AAGAB: variants seen among roughly 807,000 people sequenced by gnomAD.
AAGAB encodes alpha and gamma adaptin binding protein.
A neutral mutation model predicts 44.1 loss-of-function variants in AAGAB; 38 were observed. The observed-to-expected ratio is 0.86, with a 90% confidence interval of 0.67 to 1.13. AAGAB has a LOEUF of 1.13. Ranked by LOEUF, AAGAB falls within the 50% of genes most tolerant of loss-of-function variation. The pLI, the probability that AAGAB is intolerant of heterozygous loss-of-function variation, is 0.00. For synonymous variants in AAGAB, 131 were observed against 131.8 expected (o/e 0.99, Z 0.04); for missense variants, 450 against 373.8 (o/e 1.20, Z -1.68).
rs892183327 is a variant in AAGAB at position 67,231,047 on chromosome 15, CT to C, written c.535+766del. Among the ~76,000 whole-genome samples the C allele has an allele frequency of 9.1e-4, 136 of 149,794 alleles. 1 individual carries two copies. The highest frequency in any genetic ancestry group is 3.6e-4 in the Non-Finnish European group (24 of 67,160). On this transcript the variant is annotated intron_variant, in intron 5 of 9. Coordinates refer to ENST00000261880, the MANE Select transcript of AAGAB (RefSeq NM_024666.5). Reference sequence around the variant, plus strand: ...CTCTTAGTGACCCTAGAATACACAACTTTTTTTTTTGAGACAGGGTCTTTCT... The same window carrying C: ...CTCTTAGTGACCCTAGAATACACAACTTTTTTTTTGAGACAGGGTCTTTCT...
At chr15:67,212,446 C>A (rs1297086780) in intron 5 of AAGAB, among the ~76,000 whole-genome samples, 2 of 152,094 alleles carry the variant, frequency 1.3e-5, no homozygotes, top group Non-Finnish European at 2.9e-5. Context: ...GAAAACTGAA[C>A]TAGTGGTCAG....
intron 9 of AAGAB, among the ~76,000 whole-genome samples, 176 bp from the exon 10 acceptor site, chr15:67,203,074 T>G (rs1437373576): frequency 6.6e-6 from 1 of 152,212 alleles, no homozygotes; most frequent in Non-Finnish European, 1.5e-5. Flanking sequence ...ATCTAGAAAT[T>G]TATACCAAGG....
intron 1 of AAGAB, among the ~76,000 whole-genome samples, chr15:67,238,980 C>A (rs1964533675): frequency 6.6e-6 from 1 of 152,202 alleles, no homozygotes; most frequent in Admixed American, 6.5e-5. Context: ...CAGGCATGAG[C>A]CACCATGCCC....
intron 4 of AAGAB, 50 bp from the exon 5 acceptor site, chr15:67,231,947 T>C (rs750140875): frequency 6.8e-7 from 1 of 1,464,812 alleles, no homozygotes; most frequent in Admixed American, 1.7e-5. Context: ...CTCACACAGA[T>C]ATACATATAC....
intron 1 of AAGAB, among the ~76,000 whole-genome samples, chr15:67,246,284 C>G (rs554139622): frequency 6.7e-6 from 1 of 149,434 alleles, no homozygotes; most frequent in Non-Finnish European, 1.5e-5. Context: ...GCGGTGGGGT[C>G]GGGGGGCTGA....
Position 67,236,046 on chromosome 15 carries a change from T to C in AAGAB, c.384A>G (p.Gln128=), listed in dbSNP as rs749508818. The change falls in exon 4 of 10, where the codon CAA becomes CAG. Residue 128 remains glutamine (Q), a synonymous_variant. Coordinates refer to ENST00000261880, the MANE Select transcript of AAGAB (RefSeq NM_024666.5). ...CAAAGCCATGTTTGATGCACCATTC[T>C]TGAGCTTTTTGTCGGTTTATACCTA... The part of the protein sequence containing the change: ...SEDGINRQKA[Q]EWCIKHGFEL... 6.0e-5 allele frequency: 96 copies of C among 1,612,988 alleles called. No individual in the cohort carries two copies. Among genetic ancestry groups the C allele is most frequent in the Non-Finnish European group, 7.6e-5 (90 of 1,179,422 alleles).
chr15:67,204,243 C>T (rs1028592136), intron 7 of AAGAB, 95 bp from the exon 8 acceptor site: 1 of 831,766 alleles, frequency 1.2e-6, no homozygotes. Context: ...GATGAAGTCA[C>T]CAATGATCGA....
chr15:67,203,792 G>T (rs924676906), intron 8 of AAGAB, among the ~76,000 whole-genome samples, 195 bp from the exon 9 acceptor site: 8 of 152,146 alleles, frequency 5.3e-5, no homozygotes, highest in African/African-American at 1.9e-4. Context: ...GGATCTTACA[G>T]TTTCCACCTT....
upstream of AAGAB, chr15:67,254,683 C>A: frequency 6.4e-7 from 1 of 1,552,400 alleles, no homozygotes; most frequent in Non-Finnish European, 8.8e-7. Flanking sequence ...CCTTGGGCTG[C>A]ACCACGGCCG....
chr15:67,239,108 A>G (rs1174860858), intron 1 of AAGAB, among the ~76,000 whole-genome samples: 2 of 152,196 alleles, frequency 1.3e-5, no homozygotes. Flanking sequence ...GTACAAAGGC[A>G]GGGGGACTAA....
chr15:67,207,582 G>A (rs950505485), intron 7 of AAGAB, among the ~76,000 whole-genome samples: 12 of 152,118 alleles, frequency 7.9e-5, no homozygotes, highest in Non-Finnish European at 1.3e-4. Context: ...TAAAATTTCA[G>A]AATTGCTGAG....
At chr15:67,234,260 T>C (rs755082275) in intron 4 of AAGAB, among the ~76,000 whole-genome samples, 1 of 151,392 alleles carries the variant, frequency 6.6e-6, no homozygotes, top group East Asian at 1.9e-4. Context: ...CTCAAATAAA[T>C]AAATAAATAA....
intron 5 of AAGAB, among the ~76,000 whole-genome samples, chr15:67,224,299 G>A (rs1030949259): frequency 6.6e-6 from 1 of 152,178 alleles, no homozygotes; most frequent in African/African-American, 2.4e-5. Context: ...GAGATCTGAG[G>A]CCAGCAGAAG....
chr15:67,217,005 C>T (rs959019567), intron 5 of AAGAB, among the ~76,000 whole-genome samples: 20 of 151,944 alleles, frequency 1.3e-4, no homozygotes, highest in Admixed American at 3.3e-4. Flanking sequence ...TTTCCTCTTC[C>T]CCTTTTTCTC....
In AAGAB at chr15:67,204,688, G is replaced by A. The variant is rs118052648; in HGVS notation, c.716-540C>T. ...CATCTAAAATTACAGCTATTCAGAG[G>A]TAGAGCTGATTTAAATTCATATTTT... is the stretch of plus-strand genomic sequence containing the variant. On this transcript the variant is annotated intron_variant, in intron 7 of 9. Coordinates refer to ENST00000261880, the MANE Select transcript of AAGAB (RefSeq NM_024666.5). Among the ~76,000 whole-genome samples the A allele has an allele frequency of 4.7e-3, 720 of 152,170 alleles. 1 individual carries two copies. Among genetic ancestry groups the A allele is most frequent in the Non-Finnish European group, 8.8e-3 (596 of 67,988 alleles).
chr15:67,214,312 C>G (rs1963890881), intron 5 of AAGAB, among the ~76,000 whole-genome samples: 1 of 152,216 alleles, frequency 6.6e-6, no homozygotes. Flanking sequence ...CTGTTCACAG[C>G]CCAGCCCTAT....
chr15:67,235,353 G>T (rs1272587315), intron 4 of AAGAB, among the ~76,000 whole-genome samples: 2 of 152,090 alleles, frequency 1.3e-5, no homozygotes, highest in Non-Finnish European at 2.9e-5. Context: ...ATAAGGTTTT[G>T]GTGAACCAAA....
At chr15:67,231,630 A>C (rs1205995756) in intron 5 of AAGAB, among the ~76,000 whole-genome samples, 184 bp downstream of exon 5, 2 of 152,250 alleles carry the variant, frequency 1.3e-5, no homozygotes, top group Non-Finnish European at 2.9e-5. Context: ...TTACTGAATT[A>C]ACTATTAAAC....
At chr15:67,253,472 A>G (rs1436310757) in intron 1 of AAGAB, among the ~76,000 whole-genome samples, 1 of 152,052 alleles carries the variant, frequency 6.6e-6, no homozygotes, top group African/African-American at 2.4e-5. Flanking sequence ...AGTGAAGGGT[A>G]GCCAGGCACA....
Sources: allele counts gnomAD v4.1 joint callset (sites outside exome capture counted in the v4.1 genomes callset), GRCh38; gene constraint gnomAD v4.1.1; transcripts MANE v1.5; gene names NCBI Gene and HGNC (gene_info 2026-07-23, HGNC 2026-07-21).